TLN2: variants seen among roughly 807,000 people sequenced by gnomAD.
The protein encoded by TLN2 is talin 2, also known as talin-2.
Under a neutral mutation model 294.7 loss-of-function variants are expected in TLN2, and 118 were observed. That is an observed-to-expected ratio of 0.40 (90% CI 0.34 to 0.47). TLN2 has a LOEUF of 0.47. TLN2 is among the 20% of genes least tolerant of loss of function. The pLI, the probability that TLN2 is intolerant of heterozygous loss-of-function variation, is 0.84. For synonymous variants in TLN2, 1,431 were observed against 1,304.5 expected (o/e 1.10, Z -2.09); for missense variants, 3,083 against 3,282.2 (o/e 0.94, Z 1.48).
chr15:62,806,089 T>G (rs1233928549), intron 51 of TLN2, among the ~76,000 whole-genome samples: 1 of 151,998 alleles, frequency 6.6e-6, no homozygotes, highest in Non-Finnish European at 1.5e-5. Context: ...CTACTCAGAA[T>G]AGTAGCTATG....
Position 62,753,888 on chromosome 15 carries a change from T to G in TLN2, c.4448T>G (p.Leu1483Trp). 1 of 1,608,156 alleles carries G rather than the reference T, an allele frequency of 6.2e-7. No individual in the cohort carries two copies. Among genetic ancestry groups the G allele is most frequent in the Non-Finnish European group, 8.5e-7 (1 of 1,177,246 alleles). ...NQAIQMACQN[L>W]VDPGSSPSQV... is the part of the protein sequence containing the mutation. Reference sequence around the variant, plus strand: ...GCCATCCAGATGGCATGCCAGAACTTGGTGGACCCTGGCAGCAGCCCATCA... The same window carrying G: ...GCCATCCAGATGGCATGCCAGAACTGGGTGGACCCTGGCAGCAGCCCATCA... The change falls in exon 36 of 59, where the codon TTG (leucine) becomes TGG (tryptophan). Residue 1483 changes from leucine (L) to tryptophan (W), a missense_variant. Coordinates refer to ENST00000636159, the MANE Select transcript of TLN2 (RefSeq NM_015059.3).
chr15:62,762,701 C>T lies in TLN2; in HGVS notation c.4961+248C>T, dbSNP rs550746620. 4.3e-4 allele frequency among the ~76,000 whole-genome samples: 66 copies of T among 152,188 alleles called. 2 individuals carry two copies. The highest frequency in any genetic ancestry group is 3.2e-3 in the Middle Eastern group (1 of 316). On this transcript the variant is annotated intron_variant, in intron 39 of 58. Coordinates refer to ENST00000636159, the MANE Select transcript of TLN2 (RefSeq NM_015059.3). Reference sequence around the variant, plus strand: ...AACATCACAATAGTCTTATAAGGTACCACTGTCATTATTTCCATTGTACTG... The same window carrying T: ...AACATCACAATAGTCTTATAAGGTATCACTGTCATTATTTCCATTGTACTG...
chr15:62,535,751 C>T (rs2041312982), intron 1 of TLN2, among the ~76,000 whole-genome samples: 1 of 152,058 alleles, frequency 6.6e-6, no homozygotes, highest in Admixed American at 6.6e-5. Flanking sequence ...GACGGGGTTT[C>T]ACTATGTTGG....
At chr15:62,771,308 A>G (rs748100026) in intron 42 of TLN2, among the ~76,000 whole-genome samples, 174 bp downstream of exon 42, 1 of 152,234 alleles carries the variant, frequency 6.6e-6, no homozygotes, top group Non-Finnish European at 1.5e-5. Flanking sequence ...TAGGGAGGAA[A>G]TGAAGAAATA....
chr15:62,669,634 A>G (rs1159362304), intron 9 of TLN2, among the ~76,000 whole-genome samples: 2 of 152,134 alleles, frequency 1.3e-5, no homozygotes, highest in Admixed American at 6.5e-5. Flanking sequence ...TTTCCAATCA[A>G]CTTTGATAGT....
intron 2 of TLN2, among the ~76,000 whole-genome samples, chr15:62,612,063 C>A (rs1266160751): frequency 6.6e-6 from 1 of 151,984 alleles, no homozygotes; most frequent in Non-Finnish European, 1.5e-5. Flanking sequence ...TTGTTTCCTA[C>A]TTCTTGCTTG....
At chr15:62,512,757 C>T (rs997340285) in intron 1 of TLN2, among the ~76,000 whole-genome samples, 5 of 152,152 alleles carry the variant, frequency 3.3e-5, no homozygotes, top group African/African-American at 1.2e-4. Context: ...ACAGTGTGTT[C>T]CAGTTTCTTG....
intron 3 of TLN2, among the ~76,000 whole-genome samples, chr15:62,635,077 A>G (rs2050250899): frequency 6.6e-6 from 1 of 152,210 alleles, no homozygotes; most frequent in African/African-American, 2.4e-5. Context: ...GGATTGAACT[A>G]TAAAACCTGG....
chr15:62,698,666 C>T lies in TLN2; in HGVS notation c.1474-88C>T, dbSNP rs2058520840. On this transcript the variant is annotated intron_variant, in intron 15 of 58. Coordinates refer to ENST00000636159, the MANE Select transcript of TLN2 (RefSeq NM_015059.3). ...AGCCTGGGCTGCTTTGTCTTGAGTG[C>T]AGAGTTCTGTTTTGCTTTGTTTTGC... 21 of 1,065,410 alleles carry T rather than the reference C, an allele frequency of 2.0e-5. No homozygotes were observed. In the South Asian group the frequency reaches 2.4e-4, roughly 12 times the overall value. 66.0% of individuals were successfully genotyped at this position (1,065,410 alleles called of 1,614,324 possible).
intron 3 of TLN2, among the ~76,000 whole-genome samples, chr15:62,640,523 T>C (rs1263700888): frequency 6.6e-6 from 1 of 152,138 alleles, no homozygotes; most frequent in African/African-American, 2.4e-5. Context: ...CCCCCCTAAG[T>C]TGCCCCTAGG....
chr15:62,823,824 G>A (rs537951819), intron 54 of TLN2: 20 of 404,730 alleles, frequency 4.9e-5, no homozygotes, highest in Non-Finnish European at 6.4e-5. Context: ...TAATGGCGCC[G>A]TTTCCACATC....
chr15:62,669,233 T>C (rs1190960496), intron 9 of TLN2, among the ~76,000 whole-genome samples: 1 of 152,248 alleles, frequency 6.6e-6, no homozygotes, highest in Non-Finnish European at 1.5e-5. Context: ...TCAATTTTTA[T>C]ACTATTTCAG....
At chr15:62,679,381 G>A (rs752544343) in intron 11 of TLN2, among the ~76,000 whole-genome samples, 1 of 152,228 alleles carries the variant, frequency 6.6e-6, no homozygotes, top group Admixed American at 6.5e-5. Context: ...ATCACCTGAT[G>A]AATGGGTAGA....
chr15:62,718,513 G>C (rs999163672), intron 24 of TLN2, among the ~76,000 whole-genome samples: 1 of 152,192 alleles, frequency 6.6e-6, no homozygotes, highest in African/African-American at 2.4e-5. Flanking sequence ...TTCAGAAATG[G>C]CCTTTGCTTC....
At chr15:62,548,476 A>C (rs567539683) in intron 1 of TLN2, among the ~76,000 whole-genome samples, 1 of 152,206 alleles carries the variant, frequency 6.6e-6, no homozygotes, top group Non-Finnish European at 1.5e-5. Flanking sequence ...TTCAAGTTGC[A>C]CACAGGGTTC....
intron 3 of TLN2, among the ~76,000 whole-genome samples, 176 bp downstream of exon 3, chr15:62,618,651 T>G (rs1318319020): frequency 6.6e-6 from 1 of 152,174 alleles, no homozygotes; most frequent in Non-Finnish European, 1.5e-5. Context: ...GCTGAGTGAG[T>G]CAGACCTTTG....
At chr15:62,792,509 A>C (rs1450310085) in intron 45 of TLN2, 132 bp from the exon 46 acceptor site, 4 of 1,212,152 alleles carry the variant, frequency 3.3e-6, no homozygotes, top group Non-Finnish European at 4.5e-6. Flanking sequence ...CACCAAACAC[A>C]GACTCCTAAT....
intron 12 of TLN2, among the ~76,000 whole-genome samples, chr15:62,689,174 T>G (rs183129925): frequency 2.6e-5 from 4 of 152,122 alleles, no homozygotes; most frequent in African/African-American, 7.2e-5. Context: ...GTAGTGTTCT[T>G]AGTGGTTATT....
chr15:62,736,866 T>G lies in TLN2; in HGVS notation c.3359-12T>G. The G allele has an allele frequency of 1.2e-6, 2 of 1,611,232 alleles. No individual in the cohort carries two copies. The highest frequency in any genetic ancestry group is 1.7e-6 in the Non-Finnish European group (2 of 1,178,042). ...GAGTCTAATTGGAAATCTGATGGAC[T>G]TTTTCCCCCAGGGGTGGCTGCTAGA... On this transcript the variant is annotated splice_polypyrimidine_tract_variant and intron_variant, in intron 28 of 58. Transcript: ENST00000636159.
Sources: gnomAD v4.1 joint callset for allele counts (sites outside exome capture counted in the v4.1 genomes callset) on GRCh38, gnomAD v4.1.1 for gene constraint, MANE v1.5 for transcripts, NCBI Gene and HGNC (gene_info 2026-07-23, HGNC 2026-07-21) for gene names.